The following MOB3B variants were observed in gnomAD, a reference collection of about 807,000 sequenced individuals.
The protein encoded by MOB3B is MOB kinase activator 3B, also known as MOB kinase activator-like 2B.
In MOB3B, 7 loss-of-function variants were observed where a neutral mutation model predicts 18.7. The ratio of observed to expected loss-of-function variants is 0.37; its 90% CI spans 0.21 to 0.70. The LOEUF (loss-of-function observed/expected upper bound fraction) is 0.70. Among genes scored for constraint, MOB3B ranks in the 30% least tolerant of loss-of-function variants. MOB3B has a pLI of 0.52. For synonymous variants in MOB3B, 111 were observed against 99.9 expected, an observed-to-expected ratio of 1.11 and a Z score of -0.66; for missense variants, 253 against 281.3, an observed-to-expected ratio of 0.90 and a Z score of 0.72.
chr9:27,359,378 TGG>T (rs1344684348), intron 2 of MOB3B, 142 bp from the exon 3 acceptor site: 2,234 of 271,052 alleles, frequency 8.2e-3, no homozygotes, highest in Non-Finnish European at 9.7e-3. Flanking sequence ...TGTGTGTGTG[TGG>T]GGGGGGGGGG....
At chr9:27,384,353 A>G (rs1463167429) in intron 2 of MOB3B, among the ~76,000 whole-genome samples, 1 of 152,098 alleles carries the variant, frequency 6.6e-6, no homozygotes, top group Non-Finnish European at 1.5e-5. Context: ...TGAGAAACAG[A>G]CCAGAAGCTG....
chr9:27,487,205 A>G (rs769466672), intron 1 of MOB3B, among the ~76,000 whole-genome samples: 1 of 151,606 alleles, frequency 6.6e-6, no homozygotes, highest in Non-Finnish European at 1.5e-5. Flanking sequence ...TAACGTTTCT[A>G]TAAGTCATGC....
At chr9:27,430,659 AAAG>A (rs1822404413) in intron 2 of MOB3B, among the ~76,000 whole-genome samples, 3 of 152,198 alleles carry the variant, frequency 2.0e-5, no homozygotes, top group African/African-American at 7.2e-5. Flanking sequence ...AGCCAAGGTA[AAAG>A]AAGAATTCGT....
chr9:27,497,219 T>C (rs1252508071), intron 1 of MOB3B, among the ~76,000 whole-genome samples: 3 of 152,194 alleles, frequency 2.0e-5, no homozygotes, highest in Non-Finnish European at 2.9e-5. Flanking sequence ...AACTACCTTT[T>C]GACTCACAAA....
At chr9:27,353,173 G>C (rs12237173) in intron 3 of MOB3B, among the ~76,000 whole-genome samples, 65,170 of 152,014 alleles carry the variant, frequency 0.43, 14,202 homozygotes, top group Middle Eastern at 0.52. Context: ...TTCCCTCAAC[G>C]TGTGGTCTGG....
intron 1 of MOB3B, among the ~76,000 whole-genome samples, chr9:27,500,413 G>A (rs1387683295): frequency 6.6e-6 from 1 of 152,074 alleles, no homozygotes; most frequent in East Asian, 1.9e-4. Flanking sequence ...TAGACCAATG[G>A]AACAGAACAG....
At chr9:27,444,592 T>C (rs1001675209) in intron 2 of MOB3B, among the ~76,000 whole-genome samples, 16 of 152,190 alleles carry the variant, frequency 1.1e-4, no homozygotes, top group African/African-American at 3.6e-4. Flanking sequence ...ACTACTTTCA[T>C]CTTGTTTTTA....
chr9:27,490,274 A>T (rs1819796422), intron 1 of MOB3B, among the ~76,000 whole-genome samples: 2 of 152,284 alleles, frequency 1.3e-5, no homozygotes, highest in African/African-American at 4.8e-5. Flanking sequence ...CCCTGGGGAG[A>T]AAAAGATGAA....
intron 1 of MOB3B, among the ~76,000 whole-genome samples, chr9:27,529,312 G>A (rs916994104): frequency 6.6e-6 from 1 of 152,178 alleles, no homozygotes; most frequent in Non-Finnish European, 1.5e-5. Flanking sequence ...GGCGACCCTT[G>A]TTCCTGCCGG....
At chr9:27,491,257 T>C (rs1819814358) in intron 1 of MOB3B, among the ~76,000 whole-genome samples, 1 of 152,190 alleles carries the variant, frequency 6.6e-6, no homozygotes, top group Admixed American at 6.5e-5. Flanking sequence ...GATGAGGAAT[T>C]TGGCACAAGT....
chr9:27,501,766 C>CAA (rs36090681), intron 1 of MOB3B, among the ~76,000 whole-genome samples: 184 of 129,314 alleles, frequency 1.4e-3, no homozygotes, highest in African/African-American at 5.1e-3. Context: ...GACTCTGTCT[C>CAA]AAAAAAAAAA....
intron 1 of MOB3B, among the ~76,000 whole-genome samples, chr9:27,479,752 C>T (rs1295493890): frequency 6.6e-6 from 1 of 152,058 alleles, no homozygotes; most frequent in East Asian, 1.9e-4. Context: ...CCTTGCATTA[C>T]GTGATAGGGG....
intron 1 of MOB3B, among the ~76,000 whole-genome samples, chr9:27,483,125 C>CTGTTTT (rs1819685454): frequency 1.5e-5 from 1 of 68,544 alleles, no homozygotes; most frequent in Non-Finnish European, 2.5e-5. Flanking sequence ...ATATACGGTA[C>CTGTTTT]TTTTTTTTTT....
At chr9:27,447,848 G>A (rs956758941) in intron 2 of MOB3B, among the ~76,000 whole-genome samples, 2 of 152,222 alleles carry the variant, frequency 1.3e-5, no homozygotes, top group African/African-American at 4.8e-5. Context: ...GCAGGGAGTG[G>A]ATTCAGCTGT....
Position 27,381,254 on chromosome 9 carries a change from G to A in MOB3B, c.419-22018C>T, listed in dbSNP as rs190560365. ...AATCCTGGCCTAGGTAATTTCTAAG[G>A]TGCCTTCTGGACCTAACATTCTATG... On this transcript the variant is annotated intron_variant, in intron 2 of 3. Transcript: ENST00000262244. Among the ~76,000 whole-genome samples the A allele has an allele frequency of 1.1e-3, 170 of 151,904 alleles. 2 individuals carry two copies. Among genetic ancestry groups the A allele is most frequent in the African/African-American group, 4.0e-3 (166 of 41,444 alleles).
chr9:27,367,718 G>A (rs1821359057), intron 2 of MOB3B, among the ~76,000 whole-genome samples: 1 of 152,198 alleles, frequency 6.6e-6, no homozygotes, highest in Non-Finnish European at 1.5e-5. Flanking sequence ...TGCCAAGACA[G>A]GGGTGGCAGG....
Position 27,455,463 on chromosome 9 carries a change from G to A in MOB3B, c.88C>T (p.Leu30=), listed in dbSNP as rs754501819. 18 of 1,614,230 alleles carry A rather than the reference G, an allele frequency of 1.1e-5. No individual in the cohort carries two copies. In the South Asian group the frequency reaches 1.8e-4, roughly 16 times the overall value. ...KFEPGTQRFE[L]HKRAQASLNS... is the part of the protein sequence containing the mutation. The stretch of plus-strand genomic sequence containing the variant: ...AGGGATGCCTGAGCCCGTTTGTGCA[G>A]CTCAAACCTCTGTGTGCCAGGTTCA... The change falls in exon 2 of 4, where the codon CTG becomes TTG. Residue 30 remains leucine (L), a synonymous_variant. Transcript: ENST00000262244.
At chr9:27,411,652 C>A (rs758688848) in intron 2 of MOB3B, among the ~76,000 whole-genome samples, 4 of 151,972 alleles carry the variant, frequency 2.6e-5, no homozygotes, top group African/African-American at 7.3e-5. Flanking sequence ...AGGAAAGAAA[C>A]AAAGAAAGAA....
intron 1 of MOB3B, among the ~76,000 whole-genome samples, chr9:27,508,344 G>T (rs1337399677): frequency 6.6e-6 from 1 of 152,044 alleles, no homozygotes; most frequent in Non-Finnish European, 1.5e-5. Flanking sequence ...AAAAACGCAA[G>T]GGTTGTTCAG....
Sources: gnomAD v4.1 joint callset for allele counts (sites outside exome capture counted in the v4.1 genomes callset) on GRCh38, gnomAD v4.1.1 for gene constraint, MANE v1.5 for transcripts, NCBI Gene and HGNC (gene_info 2026-07-23, HGNC 2026-07-21) for gene names.